PTHLH: variants seen among roughly 807,000 people sequenced by gnomAD.
The protein encoded by PTHLH is parathyroid hormone-related protein.
A neutral mutation model predicts 18.6 loss-of-function variants in PTHLH; 5 were observed. That is an observed-to-expected ratio of 0.27 (90% CI 0.14 to 0.56). PTHLH has a LOEUF of 0.56. Ranked by LOEUF, PTHLH falls within the 20% of genes least tolerant of loss-of-function variation. PTHLH has a pLI of 0.92. For missense variants in PTHLH, 207 were observed against 223.9 expected (o/e 0.92, Z 0.48); for synonymous variants, 90 against 94.0 (o/e 0.96, Z 0.25).
Position 27,969,397 on chromosome 12 carries a change from C to A in PTHLH, c.98G>T (p.Arg33Leu). ...CGRSVEGLSR[R>L]LKRAVSEHQL... ...CTGGGGAGGATGGGGCACTTACAGG[C>A]GGCGGCTGAGACCCTCCACCGAGCG... Residue 33 changes from arginine to leucine, a missense_variant, in exon 4 of 6, where the codon CGC becomes CTC. Arg to Leu is a moderately radical substitution (Grantham distance 102, BLOSUM62 -2). Coordinates refer to ENST00000545234, the MANE Select transcript of PTHLH (RefSeq NM_198965.2). 1 of 1,577,466 alleles carries A rather than the reference C, an allele frequency of 6.3e-7. No individual in the cohort carries two copies. The highest frequency in any genetic ancestry group is 8.6e-7 in the Non-Finnish European group (1 of 1,165,124).
chr12:27,969,925 A>G, intron 3 of PTHLH, 100 bp downstream of exon 3: 1 of 519,896 alleles, frequency 1.9e-6, no homozygotes, highest in South Asian at 1.4e-5. Flanking sequence ...AAAAGAAGAA[A>G]GTTTCCCCCT....
At chr12:27,965,644 A>C (rs899823673) in intron 4 of PTHLH, among the ~76,000 whole-genome samples, 4 of 152,210 alleles carry the variant, frequency 2.6e-5, no homozygotes, top group Non-Finnish European at 5.9e-5. Flanking sequence ...CTTAATGGAA[A>C]GGAATTTAAC....
At position 27,958,298 on chromosome 12, in the gene PTHLH, C is replaced by A; in HGVS notation, c.*261G>T. On this transcript the variant is annotated 3_prime_UTR_variant, in exon 6 of 6. Transcript: ENST00000545234. ...TGTTACAAAAAATATAGAAATTCAGCAGCACCAAGATACATTTACAAAATA... is the reference window on the plus strand; with the variant it reads ...TGTTACAAAAAATATAGAAATTCAGAAGCACCAAGATACATTTACAAAATA... 1 of 319,944 alleles carries A rather than the reference C, an allele frequency of 3.1e-6. No individual in the cohort carries two copies. Among genetic ancestry groups the A allele is most frequent in the Non-Finnish European group, 5.7e-6 (1 of 176,442 alleles). 19.8% of individuals were successfully genotyped at this position (319,944 alleles called of 1,614,324 possible).
rs1488659570 is a variant in PTHLH, at chr12:27,971,944, T to G, written c.-283A>C. On this transcript the variant is annotated 5_prime_UTR_variant, in exon 2 of 6. Transcript: ENST00000545234. Reference sequence around the variant, plus strand: ...ATGTCAACCTTTGAACCTCGAACACTTTCTGATTTATAAAAAGAATCCTTC... The same window carrying G: ...ATGTCAACCTTTGAACCTCGAACACGTTCTGATTTATAAAAAGAATCCTTC... 1 of 150,776 alleles carries G rather than the reference T, an allele frequency of 6.6e-6. No individual in the cohort carries two copies. Among genetic ancestry groups the G allele is most frequent in the African/African-American group, 2.5e-5 (1 of 40,724 alleles). The allele number at this position is 150,776 out of a possible 1,614,324, so 9.3% of individuals were successfully genotyped here.
intron 5 of PTHLH, among the ~76,000 whole-genome samples, chr12:27,959,441 T>C (rs2120595119): frequency 6.6e-6 from 1 of 152,344 alleles, no homozygotes; most frequent in African/African-American, 2.4e-5. Context: ...TCTATCTAAA[T>C]ACTGTAATGA....
In PTHLH at chr12:27,963,303, G is replaced by T. The variant is rs559762564; in HGVS notation, c.524+45C>A. The T allele has an allele frequency of 1.6e-5, 26 of 1,614,078 alleles. No homozygotes were observed. In the South Asian group the frequency reaches 2.9e-4, roughly 18 times the overall value. Reference sequence around the variant, plus strand: ...GGCAGAAGGGAGGCTCCAAAACCCAGCTGAGAGCACCCCGCTGAGGCTACG... The same window carrying T: ...GGCAGAAGGGAGGCTCCAAAACCCATCTGAGAGCACCCCGCTGAGGCTACG... On this transcript the variant is annotated intron_variant, in intron 5 of 5. Transcript: ENST00000545234.
chr12:27,962,546 A>T, intron 5 of PTHLH: 1 of 985,496 alleles, frequency 1.0e-6, no homozygotes, highest in Non-Finnish European at 1.2e-6. Flanking sequence ...TAGGAGTGTC[A>T]TTATTACCTC....
In PTHLH at chr12:27,969,092, C is replaced by CT. The variant is rs965788443; in HGVS notation, c.101+301dup. 1.3e-5 allele frequency: 5 copies of CT among 387,776 alleles called. No individual in the cohort carries two copies. The Admixed American group carries it at 1.9e-4, about 15-fold the overall frequency. 24.0% of individuals were successfully genotyped at this position (387,776 alleles called of 1,614,324 possible). A position where few individuals can be genotyped will look rare whatever the true frequency, so the allele number is the denominator to read the frequency against. ...CCTGACAGTAACCACCACCCCCCAA[C>CT]TTTTTTTCTTTTCCACTAGAGGCAG... On this transcript the variant is annotated intron_variant, in intron 4 of 5. Transcript: ENST00000545234.
In PTHLH at chr12:27,963,708, C is replaced by T. The variant is rs767816700; in HGVS notation, c.164G>A (p.Arg55Gln). ...HDKGKSIQDLRRRFFLHHLIA... is the reference protein window; with the variant it reads ...HDKGKSIQDLQRRFFLHHLIA... ...CAGATGGTGAAGGAAGAATCGTCGC[C>T]GTAAATCTTGGATGGACTTCCCCTT... Residue 55 changes from arginine (R) to glutamine (Q), a missense_variant, in exon 5 of 6, where the codon CGG (arginine) becomes CAG (glutamine). Physicochemically the swap from Arg to Gln is conservative, Grantham distance 43. Coordinates refer to ENST00000545234, the MANE Select transcript of PTHLH (RefSeq NM_198965.2). 1 of 1,613,358 alleles carries T rather than the reference C, an allele frequency of 6.2e-7. No individual in the cohort carries two copies. Among genetic ancestry groups the T allele is most frequent in the South Asian group, 1.1e-5 (1 of 90,894 alleles).
intron 5 of PTHLH, among the ~76,000 whole-genome samples, chr12:27,959,095 T>C (rs573808216): frequency 6.6e-6 from 1 of 152,324 alleles, no homozygotes; most frequent in African/African-American, 2.4e-5. Context: ...TTGGGAACAA[T>C]TGGAAGGATG....
intron 5 of PTHLH, 144 bp from the exon 6 acceptor site, chr12:27,958,712 G>A (rs1306020496): frequency 1.6e-5 from 12 of 742,756 alleles, no homozygotes; most frequent in East Asian, 5.7e-5. Flanking sequence ...AATATCTCCT[G>A]CAAGAGGTAT....
Position 27,958,463 on chromosome 12 carries a change from A to T in PTHLH, c.*96T>A. 8.5e-7 allele frequency: 1 copy of T among 1,169,608 alleles called. No individual in the cohort carries two copies. The highest frequency in any genetic ancestry group is 1.2e-6 in the Non-Finnish European group (1 of 844,318). 72.5% of individuals were successfully genotyped at this position (1,169,608 alleles called of 1,614,324 possible). A position where few individuals can be genotyped will look rare whatever the true frequency, so the allele number is the denominator to read the frequency against. ...GAGACAGTTTTATTCCAATGCATTT[A>T]CAGTATTTACAGACAATAAATATTT... On this transcript the variant is annotated 3_prime_UTR_variant, in exon 6 of 6. Coordinates refer to ENST00000545234, the MANE Select transcript of PTHLH (RefSeq NM_198965.2).
intron 5 of PTHLH, 100 bp downstream of exon 5, chr12:27,963,248 G>C: frequency 6.3e-7 from 1 of 1,588,972 alleles, no homozygotes; most frequent in Non-Finnish European, 8.6e-7. Context: ...GATACATAAA[G>C]GGAGAAAATT....
chr12:27,970,369 G>C (rs2062859030), intron 2 of PTHLH, 102 bp from the exon 3 acceptor site: 1 of 148,214 alleles, frequency 6.7e-6, no homozygotes, highest in South Asian at 1.8e-4. Flanking sequence ...GCGGGGGGCG[G>C]GGGCGGCGAC....
At chr12:27,966,289 C>A (rs771469939) in intron 4 of PTHLH, among the ~76,000 whole-genome samples, 1 of 152,280 alleles carries the variant, frequency 6.6e-6, no homozygotes, top group Non-Finnish European at 1.5e-5. Context: ...ACATTGCTTA[C>A]GAGGGACAAA....
rs185885840 is a variant in PTHLH, at chr12:27,958,165, T to C, written c.*394A>G. On this transcript the variant is annotated 3_prime_UTR_variant, in exon 6 of 6. Coordinates refer to ENST00000545234, the MANE Select transcript of PTHLH (RefSeq NM_198965.2). ...TTATTTTTACATGCACAAAGGAAAATCAATTTGGATAATTATATTTAGGCA... is the reference window on the plus strand; with the variant it reads ...TTATTTTTACATGCACAAAGGAAAACCAATTTGGATAATTATATTTAGGCA... 6.4e-6 allele frequency: 1 copy of C among 156,918 alleles called. No homozygotes were observed. Among genetic ancestry groups the C allele is most frequent in the East Asian group, 1.8e-4 (1 of 5,552 alleles). The allele number at this position is 156,918 out of a possible 1,614,324, so 9.7% of individuals were successfully genotyped here. A position where few individuals can be genotyped will look rare whatever the true frequency, so the allele number is the denominator to read the frequency against.
Position 27,963,577 on chromosome 12 carries a change from C to G in PTHLH, c.295G>C (p.Asp99His), listed in dbSNP as rs762739753. 11 of 1,614,074 alleles carry G rather than the reference C, an allele frequency of 6.8e-6. No homozygotes were observed. Among genetic ancestry groups the G allele is most frequent in the East Asian group, 4.5e-5 (2 of 44,892 alleles). Residue 99 changes from aspartate (D) to histidine (H), a missense_variant, in exon 5 of 6, where the codon GAT (aspartate) becomes CAT (histidine). Asp to His is a moderately conservative substitution (Grantham distance 81). Coordinates refer to ENST00000545234, the MANE Select transcript of PTHLH (RefSeq NM_198965.2). Reference sequence around the variant, plus strand: ...TCCTGAGTTAGGTATCTGCCCTCATCATCAGACCCAAATCGGACGGGGTGG... The same window carrying G: ...TCCTGAGTTAGGTATCTGCCCTCATGATCAGACCCAAATCGGACGGGGTGG... ...KNHPVRFGSD[D>H]EGRYLTQETN...
At chr12:27,969,540 C>T in intron 3 of PTHLH, 24 bp from the exon 4 acceptor site, 1 of 1,528,296 alleles carries the variant, frequency 6.5e-7, no homozygotes, top group South Asian at 1.2e-5. Flanking sequence ...GAATGGGACC[C>T]GAGTGTCAGT....
At position 27,963,443 on chromosome 12, in the gene PTHLH, A is replaced by T; in HGVS notation, c.429T>A (p.Thr143=). The T allele has an allele frequency of 6.2e-7, 1 of 1,614,112 alleles. No homozygotes were observed. The highest frequency in any genetic ancestry group is 8.5e-7 in the Non-Finnish European group (1 of 1,180,024). ...CTCCAGAGTCTAACCAGGCAGAGCG[A>T]GTTCGCCGTTTTTTCTTTTCCTGCT... ...RKEQEKKKRR[T]RSAWLDSGVT... Residue 143 remains threonine (T), a synonymous_variant, in exon 5 of 6, where the codon ACT becomes ACA. Transcript: ENST00000545234.
Sources: allele counts gnomAD v4.1 joint callset (sites outside exome capture counted in the v4.1 genomes callset), GRCh38; gene constraint gnomAD v4.1.1; transcripts MANE v1.5; gene names NCBI Gene and HGNC (gene_info 2026-07-23, HGNC 2026-07-21).